Variants in BZW2 observed in about 807,000 individuals in gnomAD.
BZW2 encodes eIF5-mimic protein 1.
A neutral mutation model predicts 53.2 loss-of-function variants in BZW2; 23 were observed. The observed-to-expected ratio is 0.43, with a 90% CI of 0.31 to 0.61. The LOEUF is 0.61. Ranked by LOEUF, BZW2 falls within the 20% of genes least tolerant of loss-of-function variation. The probability of loss-of-function intolerance (pLI) is 0.09; values close to 1 mark genes in which losing one functional copy is unlikely to be tolerated. For missense variants in BZW2, 409 were observed against 503.1 expected (o/e 0.81, Z 1.79); for synonymous variants, 227 against 186.4 (o/e 1.22, Z -1.77).
At chr7:16,647,676 C>G (rs1351192770) in intron 1 of BZW2, among the ~76,000 whole-genome samples, 2 of 152,122 alleles carry the variant, frequency 1.3e-5, no homozygotes, top group African/African-American at 2.4e-5. Context: ...TAGTAAGGCT[C>G]CTGAGAGTGA....
At chr7:16,684,513 TATTTTAAATG>T (rs1783054994) in intron 5 of BZW2, among the ~76,000 whole-genome samples, 1 of 152,254 alleles carries the variant, frequency 6.6e-6, no homozygotes, top group Admixed American at 6.5e-5. Flanking sequence ...TGATTAAGTA[TATTTTAAATG>T]AATATGGTTA....
At chr7:16,674,370 T>C in intron 2 of BZW2, 42 bp from the exon 3 acceptor site, 1 of 1,429,382 alleles carries the variant, frequency 7.0e-7, no homozygotes, top group Non-Finnish European at 9.5e-7. Flanking sequence ...TCTCAGTATT[T>C]ATTTATTTAT....
At chr7:16,656,559 A>G (rs879404569) in intron 1 of BZW2, among the ~76,000 whole-genome samples, 5,222 of 95,962 alleles carry the variant, frequency 0.054, 98 homozygotes, top group African/African-American at 0.065. Flanking sequence ...GCGCGCGCAC[A>G]CACACACACA....
chr7:16,700,112 AT>A (rs1445528555), intron 10 of BZW2, among the ~76,000 whole-genome samples: 34 of 152,318 alleles, frequency 2.2e-4, no homozygotes, highest in Middle Eastern at 6.8e-3. Context: ...TGGAAATGAA[AT>A]TGGGAAACTT....
intron 6 of BZW2, chr7:16,686,259 A>G: frequency 1.8e-6 from 1 of 569,074 alleles, no homozygotes; most frequent in South Asian, 2.3e-5. Context: ...CACCTGTACA[A>G]AGACATATTA....
rs146897064 is a variant in BZW2 at position 16,675,712 on chromosome 7, G to A, written c.235+1124G>A. Among the ~76,000 whole-genome samples, 7 of 152,166 alleles carry A rather than the reference G, an allele frequency of 4.6e-5. No homozygotes were observed. In the South Asian group the frequency reaches 6.2e-4, roughly 14 times the overall value. ...AAATAATTCAAGTCTAAGTATAACA[G>A]CTATCTATATTGAGCTCAAATCCCA... On this transcript the variant is annotated intron_variant, in intron 3 of 11. Coordinates refer to ENST00000258761, the MANE Select transcript of BZW2 (RefSeq NM_014038.3).
rs1783096229 is a variant in BZW2, at chr7:16,685,769, A to G, written c.406-136A>G. The G allele has an allele frequency of 6.3e-6, 7 of 1,113,606 alleles. No homozygotes were observed. The South Asian group carries it at 1.1e-4, about 17-fold the overall frequency. 69.0% of individuals were successfully genotyped at this position (1,113,606 alleles called of 1,614,324 possible). A position where few individuals can be genotyped will look rare whatever the true frequency, so the allele number is the denominator to read the frequency against. Reference sequence around the variant, plus strand: ...TGAAATGAATTACTATGCTTTGCATATGACCTTCTGTTTGTGTGCCACGTA... The same window carrying G: ...TGAAATGAATTACTATGCTTTGCATGTGACCTTCTGTTTGTGTGCCACGTA... On this transcript the variant is annotated intron_variant, in intron 5 of 11. Transcript: ENST00000258761.
chr7:16,690,484 C>T (rs756808636), intron 7 of BZW2, among the ~76,000 whole-genome samples: 2 of 152,062 alleles, frequency 1.3e-5, no homozygotes, highest in Admixed American at 6.6e-5. Context: ...GGATTATAGG[C>T]GTGAGCCACC....
intron 4 of BZW2, among the ~76,000 whole-genome samples, chr7:16,682,114 A>G (rs1373359826): frequency 6.6e-6 from 1 of 152,238 alleles, no homozygotes; most frequent in African/African-American, 2.4e-5. Context: ...GGAAACGAAT[A>G]CACCAAGAGT....
At chr7:16,689,932 G>A (rs922094848) in intron 7 of BZW2, 26 bp downstream of exon 7, 1 of 1,569,848 alleles carries the variant, frequency 6.4e-7, no homozygotes, top group Non-Finnish European at 8.7e-7. Flanking sequence ...TTAAAGAGTT[G>A]TATGTATGAT....
At chr7:16,701,189 A>G (rs1416867000) in intron 10 of BZW2, among the ~76,000 whole-genome samples, 1 of 152,196 alleles carries the variant, frequency 6.6e-6, no homozygotes, top group Non-Finnish European at 1.5e-5. Flanking sequence ...AGATTTGCAT[A>G]TTTTTAAGGT....
rs1782157404 is a variant in BZW2, at chr7:16,657,777, G to T, written c.-7-7660G>T. Among the ~76,000 whole-genome samples, 3 of 151,836 alleles carry T rather than the reference G, an allele frequency of 2.0e-5. No homozygotes were observed. In the South Asian group the frequency reaches 6.3e-4, roughly 32 times the overall value. On this transcript the variant is annotated intron_variant, in intron 1 of 11. Coordinates refer to ENST00000258761, the MANE Select transcript of BZW2 (RefSeq NM_014038.3). The stretch of plus-strand genomic sequence containing the variant: ...AGTTGCCACTGGTATGTTCAGATCT[G>T]GGTGCAAAATTTTCAGCCCTTGAGA...
intron 1 of BZW2, among the ~76,000 whole-genome samples, chr7:16,659,626 G>A (rs559344711): frequency 6.6e-6 from 1 of 151,768 alleles, no homozygotes; most frequent in East Asian, 1.9e-4. Context: ...TATAGTTATG[G>A]GTAATTTTTA....
chr7:16,650,048 A>G (rs1781949156), intron 1 of BZW2, among the ~76,000 whole-genome samples: 1 of 152,230 alleles, frequency 6.6e-6, no homozygotes, highest in African/African-American at 2.4e-5. Flanking sequence ...AGTAATATAA[A>G]TACAAATGTT....
rs74410238 is a variant in BZW2, at chr7:16,664,149, GAAA to G, written c.-7-1286_-7-1284del. On this transcript the variant is annotated intron_variant, in intron 1 of 11. Transcript: ENST00000258761. ...TCCATAACAGTCCAGCAACTTATTT[GAAA>G]AGTATTTATTATATGTTTATACTTT... is the stretch of plus-strand genomic sequence containing the variant. Among the ~76,000 whole-genome samples, 1,603 of 152,216 alleles carry G rather than the reference GAAA, an allele frequency of 0.011. 154 individuals carry two copies. In the East Asian group the frequency reaches 0.24, roughly 23 times the overall value.
At chr7:16,705,553 T>C (rs1384070915) in intron 11 of BZW2, among the ~76,000 whole-genome samples, 2 of 150,402 alleles carry the variant, frequency 1.3e-5, no homozygotes, top group Admixed American at 1.3e-4. Context: ...GGCATGGTGG[T>C]GGGCACCTGT....
At chr7:16,702,612 C>G (rs1452499187) in intron 10 of BZW2, among the ~76,000 whole-genome samples, 1 of 152,106 alleles carries the variant, frequency 6.6e-6, no homozygotes, top group African/African-American at 2.4e-5. Context: ...TGCATGGTCT[C>G]CTTCAGCCTC....
chr7:16,694,757 A>C, intron 7 of BZW2, 77 bp from the exon 8 acceptor site: 1 of 1,191,360 alleles, frequency 8.4e-7, no homozygotes, highest in South Asian at 2.5e-5. Context: ...ATTCTAAGTG[A>C]AATGAAGACT....
chr7:16,663,820 A>G (rs1205849949), intron 1 of BZW2, among the ~76,000 whole-genome samples: 1 of 152,234 alleles, frequency 6.6e-6, no homozygotes, highest in Non-Finnish European at 1.5e-5. Flanking sequence ...ATAATATTTA[A>G]GTCAGCAAGC....
Sources: allele counts gnomAD v4.1 joint callset (sites outside exome capture counted in the v4.1 genomes callset), GRCh38; gene constraint gnomAD v4.1.1; transcripts MANE v1.5; gene names NCBI Gene and HGNC (gene_info 2026-07-23, HGNC 2026-07-21).